The following HMGB1 variants were observed in gnomAD, a reference collection of about 807,000 sequenced individuals.
The protein encoded by HMGB1 is high mobility group box 1.
For missense variants in HMGB1, 79 were observed against 253.5 expected, an observed-to-expected ratio of 0.31 and a Z score of 4.67; for synonymous variants, 81 against 84.0, an observed-to-expected ratio of 0.96 and a Z score of 0.19.
At chr13:30,494,431 G>A (rs968696127) in intron 1 of HMGB1, among the ~76,000 whole-genome samples, 2 of 151,206 alleles carry the variant, frequency 1.3e-5, no homozygotes, top group East Asian at 1.9e-4. Context: ...GTGTGATCTC[G>A]GCTCACTGCA....
intron 1 of HMGB1, among the ~76,000 whole-genome samples, chr13:30,474,826 C>T (rs1404804367): frequency 7.1e-6 from 1 of 140,486 alleles, no homozygotes; most frequent in African/African-American, 2.7e-5. Context: ...AATGGTGCAA[C>T]CTTGGCACTC....
chr13:30,477,964 G>A (rs539803439), intron 1 of HMGB1, among the ~76,000 whole-genome samples: 1 of 152,300 alleles, frequency 6.6e-6, no homozygotes, highest in Admixed American at 6.5e-5. Flanking sequence ...AAACGTGTAT[G>A]CTTTTTCTGA....
In HMGB1 at chr13:30,463,311, T is replaced by A. The variant is rs1434456252; in HGVS notation, c.192A>T (p.Ala64=). 6.2e-7 allele frequency: 1 copy of A among 1,609,122 alleles called. No homozygotes were observed. Among genetic ancestry groups the A allele is most frequent in the African/African-American group, 1.3e-5 (1 of 74,438 alleles). The change falls in exon 3 of 5, where the codon GCA becomes GCT. Residue 64 remains alanine (A), a synonymous_variant. Coordinates refer to ENST00000341423, the MANE Select transcript of HMGB1 (RefSeq NM_002128.7). ...AKEKGKFEDM[A]KADKARYERE... ...TTTCATAACGGGCCTTGTCCGCTTTTGCCATATCTTCAAATTTTCCTTTCT... is the reference window on the plus strand; with the variant it reads ...TTTCATAACGGGCCTTGTCCGCTTTAGCCATATCTTCAAATTTTCCTTTCT...
chr13:30,515,446 A>G (rs918780708), intron 1 of HMGB1, among the ~76,000 whole-genome samples: 1 of 152,246 alleles, frequency 6.6e-6, no homozygotes, highest in African/African-American at 2.4e-5. Context: ...TCATGCAACA[A>G]TAGAAGACTA....
intron 1 of HMGB1, among the ~76,000 whole-genome samples, chr13:30,569,345 AT>A (rs1448198919): frequency 6.6e-6 from 1 of 152,198 alleles, no homozygotes; most frequent in Non-Finnish European, 1.5e-5. Flanking sequence ...ATAACTAGAG[AT>A]TATGTCTTTA....
chr13:30,581,998 G>T (rs1169529736), intron 1 of HMGB1, among the ~76,000 whole-genome samples: 1 of 152,276 alleles, frequency 6.6e-6, no homozygotes, highest in Admixed American at 6.5e-5. Flanking sequence ...GGTAGAGAAG[G>T]CAAACAGAAT....
chr13:30,594,344 C>T (rs368974143), intron 1 of HMGB1, among the ~76,000 whole-genome samples: 99 of 152,152 alleles, frequency 6.5e-4, no homozygotes, highest in Non-Finnish European at 8.7e-4. Context: ...GTACCCAGCA[C>T]GCAGTTTTTC....
chr13:30,538,778 C>T (rs59615548), intron 1 of HMGB1, among the ~76,000 whole-genome samples: 368 of 23,316 alleles, frequency 0.016, 4 homozygotes, highest in Middle Eastern at 0.083. Context: ...TCTCTCTTTC[C>T]TTCTTTCTTT....
At chr13:30,516,384 A>C (rs1289565721) in intron 1 of HMGB1, among the ~76,000 whole-genome samples, 1 of 152,192 alleles carries the variant, frequency 6.6e-6, no homozygotes, top group Admixed American at 6.5e-5. Context: ...AAATTTGAAA[A>C]GTGATTTTTA....
At chr13:30,579,045 C>A (rs1259105228) in intron 1 of HMGB1, among the ~76,000 whole-genome samples, 2 of 152,188 alleles carry the variant, frequency 1.3e-5, no homozygotes, top group Non-Finnish European at 2.9e-5. Context: ...CTGTCTTGCC[C>A]ATTTGAATCC....
chr13:30,533,171 G>A (rs1415415243), intron 1 of HMGB1, among the ~76,000 whole-genome samples: 2 of 152,130 alleles, frequency 1.3e-5, no homozygotes, highest in Non-Finnish European at 2.9e-5. Context: ...GGGCAGTGGG[G>A]CCAAGCAAAG....
chr13:30,529,351 G>T (rs1888446471), intron 1 of HMGB1, among the ~76,000 whole-genome samples: 2 of 152,154 alleles, frequency 1.3e-5, no homozygotes, highest in African/African-American at 2.4e-5. Flanking sequence ...GACTTATGCT[G>T]GGTCACGGAT....
chr13:30,464,446 G>T (rs1182789069), intron 1 of HMGB1: 1 of 985,232 alleles, frequency 1.0e-6, no homozygotes, highest in East Asian at 1.1e-4. Context: ...AGCCGTGAAA[G>T]TTGGGGTGAC....
intron 1 of HMGB1, among the ~76,000 whole-genome samples, chr13:30,583,841 AAG>A (rs1555242853): frequency 6.4e-5 from 8 of 124,258 alleles, no homozygotes; most frequent in Non-Finnish European, 8.4e-5. Context: ...AAAAAAAAAA[AAG>A]AAAGAAAGAA....
intron 1 of HMGB1, chr13:30,464,639 G>A: frequency 5.3e-5 from 52 of 983,892 alleles, no homozygotes; most frequent in Non-Finnish European, 6.1e-5. Context: ...CGCTCGAAAT[G>A]GGGGCTGGCT....
At chr13:30,547,541 C>T (rs1869215733) in intron 1 of HMGB1, among the ~76,000 whole-genome samples, 1 of 152,158 alleles carries the variant, frequency 6.6e-6, no homozygotes, top group African/African-American at 2.4e-5. Context: ...ATACAAACCA[C>T]TGAGTTTGGG....
chr13:30,464,657 C>G, intron 1 of HMGB1: 1 of 983,560 alleles, frequency 1.0e-6, no homozygotes, highest in Non-Finnish European at 1.2e-6. Context: ...GCTCCGCCCG[C>G]GGCCGCCGGG....
chr13:30,467,021 C>G (rs1377744837), upstream of HMGB1, among the ~76,000 whole-genome samples: 2 of 152,282 alleles, frequency 1.3e-5, no homozygotes, highest in South Asian at 2.1e-4. Flanking sequence ...GTGCATGTGC[C>G]CAAATCCACA....
chr13:30,597,502 C>A (rs933497335), intron 1 of HMGB1, among the ~76,000 whole-genome samples: 2 of 152,162 alleles, frequency 1.3e-5, no homozygotes, highest in Non-Finnish European at 2.9e-5. Flanking sequence ...TACAGCAGTC[C>A]TAGCAAACTA....
Sources: gnomAD v4.1 joint callset for allele counts (sites outside exome capture counted in the v4.1 genomes callset) on GRCh38, gnomAD v4.1.1 for gene constraint, MANE v1.5 for transcripts, NCBI Gene and HGNC (gene_info 2026-07-23, HGNC 2026-07-21) for gene names.